The following TNPO1 variants were observed in gnomAD, a reference collection of about 807,000 sequenced individuals.
TNPO1 encodes transportin-1.
Under a neutral mutation model 119.5 loss-of-function variants are expected in TNPO1, and 8 were observed. The observed-to-expected ratio is 0.07, with a 90% CI of 0.04 to 0.12. The LOEUF (loss-of-function observed/expected upper bound fraction) is 0.12, where lower values mean the gene tolerates loss of function less well. TNPO1 is among the 10% of genes least tolerant of loss of function. TNPO1 has a pLI of 1.00. For synonymous variants in TNPO1, 362 were observed against 363.0 expected (o/e 1.00, Z 0.03); for missense variants, 576 against 1,089.8 (o/e 0.53, Z 6.64).
chr5:72,900,613 A>C (rs1310524815), intron 21 of TNPO1, among the ~76,000 whole-genome samples: 1 of 152,194 alleles, frequency 6.6e-6, no homozygotes, highest in Non-Finnish European at 1.5e-5. Context: ...TTTCAATTCA[A>C]ATCATTTTAG....
intron 6 of TNPO1, among the ~76,000 whole-genome samples, chr5:72,867,962 T>G (rs1350580545): frequency 6.6e-6 from 1 of 152,210 alleles, no homozygotes; most frequent in Non-Finnish European, 1.5e-5. Context: ...ATGTTGAAGA[T>G]CTTGTATGTT....
At chr5:72,840,814 C>T (rs931877882) in intron 1 of TNPO1, among the ~76,000 whole-genome samples, 2 of 152,134 alleles carry the variant, frequency 1.3e-5, no homozygotes, top group African/African-American at 2.4e-5. Context: ...TCCTTAGTAC[C>T]TATTTTCCAT....
intron 4 of TNPO1, among the ~76,000 whole-genome samples, chr5:72,860,586 G>A (rs1036444742): frequency 1.3e-5 from 2 of 152,314 alleles, no homozygotes; most frequent in Admixed American, 1.3e-4. Context: ...GTGAGCATGG[G>A]CCACCCAGCC....
intron 7 of TNPO1, 64 bp from the exon 8 acceptor site, chr5:72,875,551 A>G: frequency 6.5e-7 from 1 of 1,542,594 alleles, no homozygotes; most frequent in Non-Finnish European, 8.8e-7. Flanking sequence ...ACCAACTTGC[A>G]GATTACTTAT....
At chr5:72,855,427 A>C (rs1280232691) in intron 3 of TNPO1, among the ~76,000 whole-genome samples, 2 of 152,168 alleles carry the variant, frequency 1.3e-5, no homozygotes, top group East Asian at 3.9e-4. Context: ...GTTCTCAACC[A>C]CTGGCAATTT....
At position 72,858,798 on chromosome 5, in the gene TNPO1, T is replaced by C. The variant is rs540724232; in HGVS notation, c.355+2875T>C. ...CTTGCAGTGAGCCAGGATCGCGCCA[T>C]TGCACTCCAGCCTGGATGACAGAGT... On this transcript the variant is annotated intron_variant, in intron 4 of 24. Transcript: ENST00000337273. Among the ~76,000 whole-genome samples the C allele has an allele frequency of 2.4e-4, 37 of 152,012 alleles. No homozygotes were observed. In the South Asian group the frequency reaches 5.6e-3, roughly 23 times the overall value.
chr5:72,833,460 T>C (rs1004185950), intron 1 of TNPO1, among the ~76,000 whole-genome samples: 7 of 152,176 alleles, frequency 4.6e-5, no homozygotes, highest in Admixed American at 2.0e-4. Context: ...ATAGATGTTG[T>C]CTAGTACTCA....
intron 18 of TNPO1, 143 bp downstream of exon 18, chr5:72,893,846 T>C (rs1030453800): frequency 3.7e-6 from 3 of 816,910 alleles, no homozygotes; most frequent in Admixed American, 2.7e-5. Context: ...AAACTTGCTG[T>C]GATTGAAACA....
At chr5:72,881,155 G>A (rs1466340675) in intron 9 of TNPO1, among the ~76,000 whole-genome samples, 1 of 151,862 alleles carries the variant, frequency 6.6e-6, no homozygotes, top group Non-Finnish European at 1.5e-5. Context: ...CTGTTTCCCA[G>A]GCTGGAGTGC....
At chr5:72,875,954 C>G (rs1433806314) in intron 8 of TNPO1, among the ~76,000 whole-genome samples, 1 of 152,082 alleles carries the variant, frequency 6.6e-6, no homozygotes, top group Non-Finnish European at 1.5e-5. Flanking sequence ...CTAGAGCCTC[C>G]TTTTCACTTC....
At chr5:72,830,882 A>G (rs1744426856) in intron 1 of TNPO1, among the ~76,000 whole-genome samples, 1 of 152,198 alleles carries the variant, frequency 6.6e-6, no homozygotes, top group Non-Finnish European at 1.5e-5. Flanking sequence ...TGAAATAGTA[A>G]TTAGACTCTT....
At chr5:72,879,717 C>T (rs575089788) in intron 9 of TNPO1, among the ~76,000 whole-genome samples, 5 of 152,144 alleles carry the variant, frequency 3.3e-5, no homozygotes, top group African/African-American at 1.2e-4. Context: ...AATGTATTGA[C>T]AGGATAGCAG....
intron 3 of TNPO1, among the ~76,000 whole-genome samples, chr5:72,853,081 T>G (rs1005139749): frequency 1.3e-5 from 2 of 152,250 alleles, no homozygotes; most frequent in African/African-American, 4.8e-5. Context: ...TACAATATTA[T>G]ACTCTTGAGT....
intron 24 of TNPO1, among the ~76,000 whole-genome samples, chr5:72,906,438 C>T (rs923880438): frequency 3.3e-5 from 5 of 151,778 alleles, no homozygotes; most frequent in African/African-American, 9.7e-5. Context: ...ATTACAGGCA[C>T]ATGCCACCAT....
Position 72,820,845 on chromosome 5 carries a change from C to G in TNPO1, c.15+4093C>G, listed in dbSNP as rs752712926. On this transcript the variant is annotated intron_variant, in intron 1 of 24. Coordinates refer to ENST00000337273, the MANE Select transcript of TNPO1 (RefSeq NM_002270.4). Reference sequence around the variant, plus strand: ...TTAAACAAGACAGGGCTTAACTTTCCACATTTTAGAAAAAGAAAATCTTTA... The same window carrying G: ...TTAAACAAGACAGGGCTTAACTTTCGACATTTTAGAAAAAGAAAATCTTTA... Among the ~76,000 whole-genome samples, 164 of 152,166 alleles carry G rather than the reference C, an allele frequency of 1.1e-3. 2 individuals are homozygous for G. The highest frequency in any genetic ancestry group is 2.8e-4 in the Non-Finnish European group (19 of 67,978).
intron 9 of TNPO1, among the ~76,000 whole-genome samples, chr5:72,881,313 G>GT (rs1189329927): frequency 1.3e-5 from 2 of 152,132 alleles, no homozygotes; most frequent in Non-Finnish European, 2.9e-5. Context: ...ATTTCACTAT[G>GT]TTGGCCGGGC....
intron 1 of TNPO1, among the ~76,000 whole-genome samples, chr5:72,840,216 G>A (rs2112215055): frequency 1.3e-5 from 2 of 152,264 alleles, no homozygotes; most frequent in East Asian, 3.9e-4. Flanking sequence ...CAGAGTAGTA[G>A]TTCAGTGCAT....
At chr5:72,865,022 CTG>C (rs1418538153) in intron 5 of TNPO1, among the ~76,000 whole-genome samples, 1 of 152,204 alleles carries the variant, frequency 6.6e-6, no homozygotes, top group East Asian at 1.9e-4. Flanking sequence ...TTTAAACAAA[CTG>C]ATATTTAATT....
chr5:72,903,495 A>C (rs1325908138), intron 22 of TNPO1, among the ~76,000 whole-genome samples: 1 of 152,212 alleles, frequency 6.6e-6, no homozygotes, highest in African/African-American at 2.4e-5. Flanking sequence ...AAAGTCCAGT[A>C]TAAACTGAAT....
Sources: gnomAD v4.1 joint callset for allele counts (sites outside exome capture counted in the v4.1 genomes callset) on GRCh38, gnomAD v4.1.1 for gene constraint, MANE v1.5 for transcripts, NCBI Gene and HGNC (gene_info 2026-07-23, HGNC 2026-07-21) for gene names.